SMYD3: variants seen among roughly 807,000 people sequenced by gnomAD.
The protein encoded by SMYD3 is SET and MYND domain containing 3, also known as histone-lysine N-methyltransferase SMYD3.
SMYD3 carries 36 observed loss-of-function variants against 57.7 expected under a neutral mutation model. The ratio of observed to expected loss-of-function variants is 0.62; its 90% CI spans 0.48 to 0.82. SMYD3 has a LOEUF of 0.82. Among genes scored for constraint, SMYD3 ranks in the 40% least tolerant of loss-of-function variants. The pLI is 0.00. For synonymous variants in SMYD3, 211 were observed against 195.0 expected (o/e 1.08, Z -0.68); for missense variants, 515 against 538.8 (o/e 0.96, Z 0.44).
At chr1:245,750,720 G>T (rs1258028087) in intron 11 of SMYD3, among the ~76,000 whole-genome samples, 1 of 152,008 alleles carries the variant, frequency 6.6e-6, no homozygotes, top group Non-Finnish European at 1.5e-5. Context: ...TGCCCAAATG[G>T]GGGGGTGGGG....
chr1:246,164,177 T>C (rs995644927), intron 5 of SMYD3, among the ~76,000 whole-genome samples: 2 of 152,196 alleles, frequency 1.3e-5, no homozygotes, highest in Admixed American at 6.5e-5. Flanking sequence ...ATAAGGCTTC[T>C]TGGGAGGCCA....
intron 8 of SMYD3, among the ~76,000 whole-genome samples, chr1:245,889,562 G>A (rs1371597067): frequency 6.6e-6 from 1 of 152,188 alleles, no homozygotes. Flanking sequence ...AATGTCAATA[G>A]AAGCCTTGTC....
chr1:246,169,243 T>C (rs1027608414), intron 5 of SMYD3, among the ~76,000 whole-genome samples: 2 of 152,004 alleles, frequency 1.3e-5, no homozygotes, highest in African/African-American at 2.4e-5. Flanking sequence ...ACGTTTATCT[T>C]CCACACTGCA....
chr1:246,435,633 A>C (rs570795454), intron 1 of SMYD3, among the ~76,000 whole-genome samples: 1 of 152,144 alleles, frequency 6.6e-6, no homozygotes, highest in South Asian at 2.1e-4. Context: ...ACTCCTGAGA[A>C]TTCCAAAATA....
At chr1:246,475,710 G>A (rs894458350) in intron 1 of SMYD3, among the ~76,000 whole-genome samples, 5 of 152,016 alleles carry the variant, frequency 3.3e-5, no homozygotes, top group African/African-American at 1.2e-4. Context: ...CACCTCCTAG[G>A]CTCAAGCAAT....
intron 5 of SMYD3, among the ~76,000 whole-genome samples, chr1:246,280,377 C>T (rs2064418103): frequency 6.6e-6 from 1 of 152,170 alleles, no homozygotes; most frequent in South Asian, 2.1e-4. Context: ...TGGAGTAAAT[C>T]GGTTTGGCTG....
chr1:246,035,319 T>C (rs2059753564), intron 5 of SMYD3: 1 of 152,234 alleles, frequency 6.6e-6, no homozygotes, highest in South Asian at 2.1e-4. Context: ...CAATGCCATC[T>C]TGCTGCAAGC....
Position 246,374,328 on chromosome 1 carries a change from C to CA in SMYD3, c.165-19235dup, listed in dbSNP as rs557596295. Among the ~76,000 whole-genome samples the CA allele has an allele frequency of 3.1e-3, 479 of 152,262 alleles. 3 individuals are homozygous for CA. Among genetic ancestry groups the CA allele is most frequent in the African/African-American group, 0.011 (446 of 41,538 alleles). ...TCTGTAACTCCAAAATCAACAGTCA[C>CA]AGCATGTCTGCAGTCAGTTGTGGAC... is the stretch of plus-strand genomic sequence containing the variant. On this transcript the variant is annotated intron_variant, in intron 1 of 11. Transcript: ENST00000490107.
intron 5 of SMYD3, among the ~76,000 whole-genome samples, chr1:246,260,992 C>T (rs952235570): frequency 1.3e-5 from 2 of 152,118 alleles, no homozygotes; most frequent in Admixed American, 1.3e-4. Context: ...AGAAGGAAGG[C>T]TTTTCCCACA....
rs565161580 is a variant in SMYD3, at chr1:245,795,127, T to A, written c.1077-30978A>T. ...ACCCCCACAAGTGCCTACGCCCTCATCTTGAACAGGATCTTAAATGCTAGC... is the reference window on the plus strand; with the variant it reads ...ACCCCCACAAGTGCCTACGCCCTCAACTTGAACAGGATCTTAAATGCTAGC... On this transcript the variant is annotated intron_variant, in intron 10 of 11. Transcript: ENST00000490107. Among the ~76,000 whole-genome samples, 4 of 152,280 alleles carry A rather than the reference T, an allele frequency of 2.6e-5. No individual in the cohort carries two copies. In the South Asian group the frequency reaches 8.3e-4, roughly 32 times the overall value.
intron 1 of SMYD3, among the ~76,000 whole-genome samples, chr1:246,464,055 A>T: frequency 6.6e-6 from 1 of 152,146 alleles, no homozygotes; most frequent in East Asian, 1.9e-4. Context: ...CTGTTTATTA[A>T]CAAAGGTTTT....
At chr1:246,395,986 T>A (rs2066665110) in intron 1 of SMYD3, among the ~76,000 whole-genome samples, 1 of 152,120 alleles carries the variant, frequency 6.6e-6, no homozygotes, top group Admixed American at 6.5e-5. Context: ...AAACCTGATT[T>A]TAAGATTACA....
intron 5 of SMYD3, among the ~76,000 whole-genome samples, chr1:246,195,790 G>T (rs1159542909): frequency 6.6e-6 from 1 of 152,136 alleles, no homozygotes; most frequent in Non-Finnish European, 1.5e-5. Flanking sequence ...TGGGTGAAGG[G>T]TTCTTACATA....
chr1:246,089,004 G>A (rs2060775348), intron 5 of SMYD3, among the ~76,000 whole-genome samples: 2 of 152,030 alleles, frequency 1.3e-5, no homozygotes, highest in African/African-American at 4.8e-5. Flanking sequence ...TATTTTTTGA[G>A]ACAGGGTACT....
At chr1:246,277,847 G>C (rs560656752) in intron 5 of SMYD3, among the ~76,000 whole-genome samples, 67 of 152,160 alleles carry the variant, frequency 4.4e-4, no homozygotes, top group Non-Finnish European at 8.7e-4. Flanking sequence ...AAGCAGATCA[G>C]TGGTTGCTGC....
intron 2 of SMYD3, among the ~76,000 whole-genome samples, chr1:246,339,820 C>T (rs2065603810): frequency 6.6e-6 from 1 of 152,242 alleles, no homozygotes; most frequent in African/African-American, 2.4e-5. Context: ...GTCCGGCCCT[C>T]TCTTGTTCCC....
chr1:246,303,303 T>C (rs1345380423), intron 5 of SMYD3, among the ~76,000 whole-genome samples: 1 of 152,114 alleles, frequency 6.6e-6, no homozygotes, highest in Non-Finnish European at 1.5e-5. Context: ...ACCCCTGGAG[T>C]ACACACTCTG....
At chr1:246,007,708 T>C (rs2059200713) in intron 5 of SMYD3, among the ~76,000 whole-genome samples, 1 of 151,304 alleles carries the variant, frequency 6.6e-6, no homozygotes, top group Non-Finnish European at 1.5e-5. Flanking sequence ...TCCCAACTAC[T>C]CAGGAGGCTG....
intron 1 of SMYD3, among the ~76,000 whole-genome samples, chr1:246,402,381 T>TTTTTTTTTTTTTTTTTTTGAGACGG (rs1239559421): frequency 6.6e-6 from 1 of 151,502 alleles, no homozygotes; most frequent in Non-Finnish European, 1.5e-5. Flanking sequence ...AACGCCATCT[T>TTTTTTTTTTTTTTTTTTTGAGACGG]AAAGATGATC....
Sources: allele counts gnomAD v4.1 joint callset (sites outside exome capture counted in the v4.1 genomes callset), GRCh38; gene constraint gnomAD v4.1.1; transcripts MANE v1.5; gene names NCBI Gene and HGNC (gene_info 2026-07-23, HGNC 2026-07-21).